Variants in FAM240B observed in about 807,000 individuals in gnomAD.
The protein encoded by FAM240B is family with sequence similarity 240 member B, also known as protein FAM240B.
At chr9:38,714,144 A>G (rs1821285319) in intron 1 of FAM240B, among the ~76,000 whole-genome samples, 1 of 152,272 alleles carries the variant, frequency 6.6e-6, no homozygotes, top group South Asian at 2.1e-4. Flanking sequence ...TGTTAGTTAC[A>G]ACCCAAAGAA....
At chr9:38,701,713 T>A (rs879400191) in intron 2 of FAM240B, among the ~76,000 whole-genome samples, 7 of 152,216 alleles carry the variant, frequency 4.6e-5, no homozygotes, top group Non-Finnish European at 7.3e-5. Flanking sequence ...CAAAGATTTA[T>A]TCTTTCAGTC....
At position 38,709,563 on chromosome 9, in the gene FAM240B, C is replaced by T. The variant is rs145990224; in HGVS notation, c.-3-5561G>A. 2.3e-3 allele frequency among the ~76,000 whole-genome samples: 343 copies of T among 152,268 alleles called. 2 individuals are homozygous for T. Among genetic ancestry groups the T allele is most frequent in the African/African-American group, 8.0e-3 (332 of 41,550 alleles). On this transcript the variant is annotated intron_variant, in intron 1 of 2. Coordinates refer to ENST00000637493, the MANE Select transcript of FAM240B (RefSeq NM_001394922.1). ...CATATGCATATGGTGGTGCCCCCGT[C>T]GGGGCTCAAATGAGAGTGGAAAGGC... is the stretch of plus-strand genomic sequence containing the variant.
chr9:38,718,305 A>G (rs1355888979), intron 1 of FAM240B, among the ~76,000 whole-genome samples: 1 of 152,240 alleles, frequency 6.6e-6, no homozygotes, highest in South Asian at 2.1e-4. Flanking sequence ...TGCAGGTCAA[A>G]GTCCAGGTAC....
chr9:38,717,625 C>G (rs973532849), intron 1 of FAM240B, among the ~76,000 whole-genome samples: 2 of 151,982 alleles, frequency 1.3e-5, no homozygotes, highest in Non-Finnish European at 2.9e-5. Context: ...GGACTACAGG[C>G]GCCCGCCGCC....
At chr9:38,714,944 C>A (rs1187492689) in intron 1 of FAM240B, among the ~76,000 whole-genome samples, 1 of 152,092 alleles carries the variant, frequency 6.6e-6, no homozygotes, top group Non-Finnish European at 1.5e-5. Flanking sequence ...TTTATTGTAC[C>A]AATGCTAATT....
Position 38,716,045 on chromosome 9 carries a change from C to A in FAM240B, c.-4+3977G>T, listed in dbSNP as rs562116885. ...CATTCTGCCATGCACAGAGATGCTC[C>A]TGGGTTTGCCTCTATGCCTGTTTGG... On this transcript the variant is annotated intron_variant, in intron 1 of 2. Transcript: ENST00000637493. Among the ~76,000 whole-genome samples the A allele has an allele frequency of 2.0e-5, 3 of 152,282 alleles. No homozygotes were observed. In the South Asian group the frequency reaches 6.2e-4, roughly 32 times the overall value.
chr9:38,709,699 A>G (rs181482384), intron 1 of FAM240B, among the ~76,000 whole-genome samples: 6 of 152,342 alleles, frequency 3.9e-5, no homozygotes, highest in Non-Finnish European at 2.9e-5. Context: ...AAGAAATACT[A>G]AGCAATGTGC....
chr9:38,715,336 A>G (rs1479324743), intron 1 of FAM240B, among the ~76,000 whole-genome samples: 1 of 152,244 alleles, frequency 6.6e-6, no homozygotes, highest in African/African-American at 2.4e-5. Flanking sequence ...TACTTTCCCA[A>G]TTAACCAGTT....
intron 1 of FAM240B, among the ~76,000 whole-genome samples, chr9:38,705,943 G>C (rs1158746334): frequency 6.6e-6 from 1 of 152,168 alleles, no homozygotes; most frequent in Non-Finnish European, 1.5e-5. Context: ...TGGTGGCAGC[G>C]AGGCAGGTCA....
Position 38,699,805 on chromosome 9 carries a change from G to A in FAM240B, c.143+4052C>T, listed in dbSNP as rs10113910. On this transcript the variant is annotated intron_variant, in intron 2 of 2. Transcript: ENST00000637493. ...CCACACTATGTAAAGAAGAGCAATC[G>A]AATACTCCCTGTCCTCAAGGAATTT... is the stretch of plus-strand genomic sequence containing the variant. 6.4e-3 allele frequency among the ~76,000 whole-genome samples: 976 copies of A among 152,262 alleles called. 7 individuals carry two copies. Among genetic ancestry groups the A allele is most frequent in the African/African-American group, 0.022 (898 of 41,548 alleles).
intron 2 of FAM240B, among the ~76,000 whole-genome samples, chr9:38,695,654 C>T (rs1311300158): frequency 2.6e-5 from 4 of 152,334 alleles, no homozygotes; most frequent in East Asian, 3.9e-4. Context: ...TAGGTGGATT[C>T]CATGTAATGC....
chr9:38,695,298 C>T (rs937826722), intron 2 of FAM240B, among the ~76,000 whole-genome samples: 1 of 152,144 alleles, frequency 6.6e-6, no homozygotes, highest in Non-Finnish European at 1.5e-5. Context: ...GCGGGCGGAT[C>T]GCGCACGAGG....
intron 2 of FAM240B, among the ~76,000 whole-genome samples, chr9:38,700,302 C>A: frequency 6.6e-6 from 1 of 152,184 alleles, no homozygotes; most frequent in Admixed American, 6.5e-5. Context: ...CTAATTGATA[C>A]AATTGATAGG....
chr9:38,711,418 A>T (rs1291249738), intron 1 of FAM240B, among the ~76,000 whole-genome samples: 1 of 152,088 alleles, frequency 6.6e-6, no homozygotes. Context: ...AGATGGCTCC[A>T]CCTGACTGTG....
intron 1 of FAM240B, among the ~76,000 whole-genome samples, chr9:38,717,249 A>G (rs979562639): frequency 3.9e-5 from 6 of 152,166 alleles, no homozygotes; most frequent in African/African-American, 1.2e-4. Context: ...GCCATCATTT[A>G]TTCAAAGAAA....
chr9:38,708,499 A>G (rs1247049445), intron 1 of FAM240B, among the ~76,000 whole-genome samples: 2 of 152,214 alleles, frequency 1.3e-5, no homozygotes, highest in African/African-American at 2.4e-5. Flanking sequence ...CTCCCCTGTC[A>G]GGCCAGGAGG....
chr9:38,715,189 G>A (rs980135106), intron 1 of FAM240B, among the ~76,000 whole-genome samples: 2 of 152,200 alleles, frequency 1.3e-5, no homozygotes, highest in African/African-American at 2.4e-5. Context: ...ATTCCGTCCT[G>A]GAGCCAGCAG....
Position 38,696,964 on chromosome 9 carries a change from G to A in FAM240B, c.144-2095C>T, listed in dbSNP as rs535590663. 4.6e-5 allele frequency among the ~76,000 whole-genome samples: 7 copies of A among 152,272 alleles called. No individual in the cohort carries two copies. The South Asian group carries it at 1.2e-3, about 27-fold the overall frequency. ...TTGTAATCCACCTCTCCAACCTGGA[G>A]AATACCCAGGTTCACAAGCTTTTTT... On this transcript the variant is annotated intron_variant, in intron 2 of 2. Transcript: ENST00000637493.
chr9:38,695,141 T>TAC (rs1281716552), intron 2 of FAM240B, among the ~76,000 whole-genome samples: 1 of 152,148 alleles, frequency 6.6e-6, no homozygotes, highest in African/African-American at 2.4e-5. Flanking sequence ...GACGGGTTGA[T>TAC]AGGTGCAGCA....
Sources: allele counts gnomAD v4.1 joint callset (sites outside exome capture counted in the v4.1 genomes callset), GRCh38; gene constraint gnomAD v4.1.1; transcripts MANE v1.5; gene names NCBI Gene and HGNC (gene_info 2026-07-23, HGNC 2026-07-21).